The following WWC2 variants were observed in gnomAD, a reference collection of about 807,000 sequenced individuals.
WWC2 encodes WW and C2 domain containing 2, also known as protein WWC2.
In WWC2, 101 loss-of-function variants were observed where a neutral mutation model predicts 138.5. The ratio of observed to expected loss-of-function variants is 0.73; its 90% CI spans 0.62 to 0.86. WWC2 has a LOEUF of 0.86. WWC2 is among the 40% of genes least tolerant of loss of function. The probability of loss-of-function intolerance (pLI) is 0.00; values close to 1 mark genes in which losing one functional copy is unlikely to be tolerated. For synonymous variants in WWC2, 558 were observed against 538.4 expected, an observed-to-expected ratio of 1.04 and a Z score of -0.50; for missense variants, 1,420 against 1,419.4, an observed-to-expected ratio of 1.00 and a Z score of -0.01.
intron 1 of WWC2, among the ~76,000 whole-genome samples, chr4:183,186,545 T>A (rs1734806346): frequency 6.6e-6 from 1 of 151,860 alleles, no homozygotes; most frequent in African/African-American, 2.4e-5. Flanking sequence ...TTTTTTAGGG[T>A]AGGGGGCATT....
At chr4:183,201,948 G>A (rs1023326747) in intron 2 of WWC2, among the ~76,000 whole-genome samples, 1 of 152,128 alleles carries the variant, frequency 6.6e-6, no homozygotes, top group Non-Finnish European at 1.5e-5. Flanking sequence ...TTTTATTATA[G>A]TTCTCAAGGG....
At chr4:183,280,954 T>A (rs1435380592) in intron 17 of WWC2, 57 bp downstream of exon 17, 11 of 1,509,452 alleles carry the variant, frequency 7.3e-6, no homozygotes, top group Non-Finnish European at 9.7e-6. Context: ...TTTACACGGC[T>A]TACAGTGAAA....
intron 14 of WWC2, among the ~76,000 whole-genome samples, chr4:183,267,612 A>G (rs1385711046): frequency 6.6e-6 from 1 of 152,218 alleles, no homozygotes; most frequent in Non-Finnish European, 1.5e-5. Context: ...AATATGCTCT[A>G]CTTCAACTAA....
chr4:183,125,269 GGTGCTGT>G (rs2111057627), intron 1 of WWC2, among the ~76,000 whole-genome samples: 1 of 152,146 alleles, frequency 6.6e-6, no homozygotes, highest in South Asian at 2.1e-4. Flanking sequence ...TCTGCTTTTG[GGTGCTGT>G]GTTCAAATTA....
At chr4:183,138,509 G>A (rs1733190420) in intron 1 of WWC2, among the ~76,000 whole-genome samples, 1 of 152,180 alleles carries the variant, frequency 6.6e-6, no homozygotes, top group African/African-American at 2.4e-5. Flanking sequence ...ATTCTTTTAT[G>A]TGTTATCTAT....
At chr4:183,208,889 A>G in intron 3 of WWC2, 60 bp from the exon 4 acceptor site, 2 of 1,182,400 alleles carry the variant, frequency 1.7e-6, no homozygotes, top group African/African-American at 1.6e-5. Context: ...AGTAAATTCT[A>G]AGCTGAGAAC....
At chr4:183,130,271 C>G (rs769245087) in intron 1 of WWC2, among the ~76,000 whole-genome samples, 4 of 152,152 alleles carry the variant, frequency 2.6e-5, no homozygotes, top group Non-Finnish European at 5.9e-5. Flanking sequence ...CCAGGATGGT[C>G]TTGATCTCCT....
At chr4:183,252,718 G>A (rs898055743) in intron 8 of WWC2, among the ~76,000 whole-genome samples, 8 of 152,200 alleles carry the variant, frequency 5.3e-5, no homozygotes, top group African/African-American at 1.9e-4. Flanking sequence ...GCACAATAAT[G>A]TATAAAGTGT....
At chr4:183,173,270 TCA>T (rs1560825300) in intron 1 of WWC2, among the ~76,000 whole-genome samples, 1 of 152,132 alleles carries the variant, frequency 6.6e-6, no homozygotes, top group Non-Finnish European at 1.5e-5. Flanking sequence ...CAGGCTGGTC[TCA>T]AACTCTCAGG....
chr4:183,198,685 A>G (rs1246788413), intron 2 of WWC2, among the ~76,000 whole-genome samples: 2 of 147,180 alleles, frequency 1.4e-5, no homozygotes, highest in Non-Finnish European at 3.0e-5. Flanking sequence ...TGAGCATGGT[A>G]GCTCTTGCTT....
intron 15 of WWC2, chr4:183,269,529 A>C: frequency 4.2e-6 from 2 of 481,472 alleles, no homozygotes; most frequent in South Asian, 3.1e-5. Flanking sequence ...TTTAATCCTC[A>C]TGACAACCTG....
intron 1 of WWC2, among the ~76,000 whole-genome samples, chr4:183,131,942 C>G (rs1393767039): frequency 6.6e-6 from 1 of 152,180 alleles, no homozygotes; most frequent in Admixed American, 6.5e-5. Context: ...CCTTTTCACA[C>G]TGAGCAGCTA....
intron 9 of WWC2, among the ~76,000 whole-genome samples, chr4:183,255,067 G>T (rs574685986): frequency 1.3e-5 from 2 of 152,360 alleles, no homozygotes; most frequent in Admixed American, 6.5e-5. Flanking sequence ...GTTGACTTCT[G>T]TGGGTTAAAA....
chr4:183,271,003 A>G, intron 15 of WWC2, 77 bp from the exon 16 acceptor site: 6 of 1,273,040 alleles, frequency 4.7e-6, no homozygotes, highest in Non-Finnish European at 6.2e-6. Flanking sequence ...TCTTTATTAT[A>G]TCAGAACAAA....
intron 2 of WWC2, among the ~76,000 whole-genome samples, chr4:183,204,266 C>T (rs566140536): frequency 4.6e-5 from 7 of 152,254 alleles, no homozygotes; most frequent in Admixed American, 3.9e-4. Flanking sequence ...AGTCAGACAT[C>T]CATCAACAAC....
chr4:183,099,588 AC>A lies in WWC2; in HGVS notation c.99del (p.Arg34GlyfsTer12), dbSNP rs1345445804. The part of the protein sequence containing the change: ...DGKVFYIDHN[T>X]RRTSWIDPRD... ...CAAGGTCTTCTACATTGACCACAAC[AC>A]CAGGAGGACCAGCTGGATCGACCCC... is the stretch of plus-strand genomic sequence containing the variant. On this transcript the variant is annotated frameshift_variant, in exon 1 of 23. Coordinates refer to ENST00000403733, the MANE Select transcript of WWC2 (RefSeq NM_024949.6). LOFTEE classifies it high-confidence loss of function. 2.2e-6 allele frequency: 3 copies of A among 1,389,752 alleles called. No homozygotes were observed. Among genetic ancestry groups the A allele is most frequent in the Non-Finnish European group, 2.8e-6 (3 of 1,053,588 alleles). The allele number at this position is 1,389,752 out of a possible 1,614,324, so 86.1% of individuals were successfully genotyped here. A position where few individuals can be genotyped will look rare whatever the true frequency, so the allele number is the denominator to read the frequency against.
intron 1 of WWC2, among the ~76,000 whole-genome samples, chr4:183,146,460 T>C (rs537488130): frequency 1.3e-4 from 20 of 152,336 alleles, no homozygotes; most frequent in African/African-American, 4.8e-4. Flanking sequence ...ACATTTCTTA[T>C]TTGACTTGTT....
rs142949096 is a variant in WWC2, at chr4:183,263,439, T to C, written c.1910-1539T>C. Among the ~76,000 whole-genome samples, 13 of 152,324 alleles carry C rather than the reference T, an allele frequency of 8.5e-5. No homozygotes were observed. The East Asian group carries it at 2.5e-3, about 29-fold the overall frequency. On this transcript the variant is annotated intron_variant, in intron 11 of 22. Coordinates refer to ENST00000403733, the MANE Select transcript of WWC2 (RefSeq NM_024949.6). ...TTGGGTCTTGCTGTGTCTGAAAAGT[T>C]TGTGGATGGAGACAGTATCTCTGAA...
intron 1 of WWC2, among the ~76,000 whole-genome samples, chr4:183,192,268 GGA>G (rs2111207961): frequency 6.6e-6 from 1 of 152,288 alleles, no homozygotes; most frequent in Admixed American, 6.5e-5. Context: ...TAAATTGCAG[GGA>G]GAGTACGTGA....
Sources: allele counts gnomAD v4.1 joint callset (sites outside exome capture counted in the v4.1 genomes callset), GRCh38; gene constraint gnomAD v4.1.1; transcripts MANE v1.5; gene names NCBI Gene and HGNC (gene_info 2026-07-23, HGNC 2026-07-21).